Variants in PPP5C observed in about 807,000 individuals in gnomAD.
The protein encoded by PPP5C is protein phosphatase 5 catalytic subunit, also known as serine/threonine-protein phosphatase 5.
In PPP5C, 21 loss-of-function variants were observed where a neutral mutation model predicts 66.7. The ratio of observed to expected loss-of-function variants is 0.31; its 90% confidence interval spans 0.22 to 0.45. The LOEUF is 0.45. Ranked by LOEUF, PPP5C falls within the 20% of genes least tolerant of loss-of-function variation. PPP5C has a pLI of 1.00. For missense variants in PPP5C, 464 were observed against 675.9 expected (o/e 0.69, Z 3.48); for synonymous variants, 246 against 257.4 (o/e 0.96, Z 0.43).
At chr19:46,375,369 C>T (rs925064077) in intron 2 of PPP5C, among the ~76,000 whole-genome samples, 4 of 152,230 alleles carry the variant, frequency 2.6e-5, no homozygotes, top group Admixed American at 6.5e-5. Context: ...TTGATTTTAG[C>T]GCGCTCATAG....
At chr19:46,371,454 C>A (rs1972590539) in intron 2 of PPP5C, among the ~76,000 whole-genome samples, 1 of 152,184 alleles carries the variant, frequency 6.6e-6, no homozygotes, top group South Asian at 2.1e-4. Context: ...CACGGCTACC[C>A]TGCGCAGTGG....
intron 7 of PPP5C, among the ~76,000 whole-genome samples, chr19:46,386,000 G>C (rs1972878750): frequency 3.3e-5 from 5 of 152,062 alleles, no homozygotes; most frequent in Admixed American, 3.3e-4. Flanking sequence ...GTATTTGCTG[G>C]AGGAACAGAC....
intron 4 of PPP5C, among the ~76,000 whole-genome samples, chr19:46,378,927 AG>A (rs907780777): frequency 9.9e-5 from 15 of 150,980 alleles, no homozygotes; most frequent in African/African-American, 3.7e-4. Context: ...CTTGTTGCCC[AG>A]GTTGGAGTGC....
chr19:46,372,106 T>C (rs1013503784), intron 2 of PPP5C, among the ~76,000 whole-genome samples: 7 of 152,278 alleles, frequency 4.6e-5, no homozygotes, highest in African/African-American at 1.7e-4. Context: ...GAAATGGCCG[T>C]GTATGTGCTT....
At chr19:46,377,763 T>C (rs1972721704) in intron 4 of PPP5C, among the ~76,000 whole-genome samples, 1 of 152,260 alleles carries the variant, frequency 6.6e-6, no homozygotes, top group South Asian at 2.1e-4. Context: ...TTACAGCGTT[T>C]AGTGTCTCTT....
chr19:46,383,749 C>T lies in PPP5C; in HGVS notation c.700-31C>T, dbSNP rs1216630937. 1.3e-6 allele frequency: 2 copies of T among 1,551,128 alleles called. No homozygotes were observed. Among genetic ancestry groups the T allele is most frequent in the African/African-American group, 2.7e-5 (2 of 73,396 alleles). ...CCCTCCCCACGTCTCTCTCTCGGCC[C>T]GTCCCTCTCCGGTGGCCTCTTTTCT... On this transcript the variant is annotated intron_variant, in intron 5 of 12. Transcript: ENST00000012443. This position sits in a 1 kb window ranked among gnomAD's most constrained non-coding sequence, Gnocchi z 5.0.
chr19:46,390,154 C>T (rs1972989166), intron 12 of PPP5C, 22 bp downstream of exon 12: 1 of 1,612,896 alleles, frequency 6.2e-7, no homozygotes, highest in African/African-American at 1.3e-5. Context: ...CTCAGGGCCC[C>T]TGCCCCTTCC....
chr19:46,348,445 C>T (rs1490629437), intron 1 of PPP5C, among the ~76,000 whole-genome samples: 5 of 151,660 alleles, frequency 3.3e-5, no homozygotes, highest in Admixed American at 3.3e-4. Flanking sequence ...TCCCGAGTAG[C>T]TGGGATTATA....
At chr19:46,353,645 C>G in intron 1 of PPP5C, 103 bp from the exon 2 acceptor site, 7 of 1,516,754 alleles carry the variant, frequency 4.6e-6, no homozygotes, top group Non-Finnish European at 6.3e-6. Flanking sequence ...GGGTAGCCCT[C>G]AGCTTCCCCA....
chr19:46,390,224 G>A (rs1167727879), intron 12 of PPP5C, 60 bp from the exon 13 acceptor site: 18 of 1,603,876 alleles, frequency 1.1e-5, no homozygotes, highest in Middle Eastern at 1.6e-4. Context: ...AGGTTCTGCC[G>A]GTGGGTGCTC....
Position 46,376,734 on chromosome 19 carries a change from T to G in PPP5C, c.633+160T>G. On this transcript the variant is annotated intron_variant, in intron 4 of 12. Transcript: ENST00000012443. This position sits in a 1 kb window ranked among gnomAD's most constrained non-coding sequence, Gnocchi z 5.1. ...GACACTGTGCCGAGGGCTTACCACA[T>G]GATCTCATCTCGTCCCACAGCAGTT... 3.0e-6 allele frequency: 3 copies of G among 998,372 alleles called. No individual in the cohort carries two copies. Among genetic ancestry groups the G allele is most frequent in the Non-Finnish European group, 4.3e-6 (3 of 699,320 alleles). 61.8% of individuals were successfully genotyped at this position (998,372 alleles called of 1,614,324 possible).
chr19:46,348,529 G>A (rs975006431), intron 1 of PPP5C, among the ~76,000 whole-genome samples: 1 of 152,062 alleles, frequency 6.6e-6, no homozygotes, highest in South Asian at 2.1e-4. Context: ...GGCCAGGCTG[G>A]TGTCGAACCT....
At position 46,376,460 on chromosome 19, in the gene PPP5C, G is replaced by A. The variant is rs1972697837; in HGVS notation, c.519G>A (p.Glu173=). ...CCGTTGTTCACACCCTAGCCATTGA[G>A]GATGAGTACAGCGGACCCAAGCTTG... ...DSLDIESMTI[E]DEYSGPKLED... The change falls in exon 4 of 13, where the codon GAG becomes GAA. Residue 173 remains glutamate (E), a synonymous_variant. Transcript: ENST00000012443. The surrounding 1 kb of genome is among the most constrained non-coding windows in gnomAD (Gnocchi z 5.1). 1.2e-6 allele frequency: 2 copies of A among 1,613,654 alleles called. No homozygotes were observed. The highest frequency in any genetic ancestry group is 1.7e-4 in the Middle Eastern group (1 of 6,058).
chr19:46,376,227 G>A lies in PPP5C; in HGVS notation c.512-226G>A, dbSNP rs2147390078. ...AGTCATGAAATGAATAGTGCTAAGTGCCATAAAACTGAATAGAGTAAAGGG... is the reference window on the plus strand; with the variant it reads ...AGTCATGAAATGAATAGTGCTAAGTACCATAAAACTGAATAGAGTAAAGGG... On this transcript the variant is annotated intron_variant, in intron 3 of 12. Coordinates refer to ENST00000012443, the MANE Select transcript of PPP5C (RefSeq NM_006247.4). This position sits in a 1 kb window ranked among gnomAD's most constrained non-coding sequence, Gnocchi z 5.1. Among the ~76,000 whole-genome samples the A allele has an allele frequency of 6.6e-6, 1 of 152,226 alleles. No individual in the cohort carries two copies.
At position 46,390,351 on chromosome 19, in the gene PPP5C, A is replaced by G; in HGVS notation, c.*5A>G. The G allele has an allele frequency of 1.3e-6, 2 of 1,570,354 alleles. No homozygotes were observed. The highest frequency in any genetic ancestry group is 1.7e-6 in the Non-Finnish European group (2 of 1,157,750). ...CTGCAGCTAGGAATGATGTGAGGTG[A>G]CGGGCGGGGCGGCCTGCATCCCAGG... On this transcript the variant is annotated 3_prime_UTR_variant, in exon 13 of 13. Coordinates refer to ENST00000012443, the MANE Select transcript of PPP5C (RefSeq NM_006247.4).
chr19:46,375,696 C>T lies in PPP5C; in HGVS notation c.456C>T (p.Ile152=), dbSNP rs775576018. ...AGCAGAAGGCCTTTGAGCGGGCCATCGCGGGCGACGAGCACAAGCGCTCCG... is the reference window on the plus strand; with the variant it reads ...AGCAGAAGGCCTTTGAGCGGGCCATTGCGGGCGACGAGCACAAGCGCTCCG... The part of the protein sequence containing the change: ...IVKQKAFERA[I]AGDEHKRSVV... The change falls in exon 3 of 13, where the codon ATC becomes ATT. Residue 152 remains isoleucine (I), a synonymous_variant. Transcript: ENST00000012443. 34 of 1,612,234 alleles carry T rather than the reference C, an allele frequency of 2.1e-5. No homozygotes were observed. The highest frequency in any genetic ancestry group is 1.6e-4 in the Middle Eastern group (1 of 6,074).
intron 2 of PPP5C, among the ~76,000 whole-genome samples, chr19:46,356,429 G>A (rs972069971): frequency 3.3e-5 from 5 of 152,202 alleles, no homozygotes; most frequent in Admixed American, 1.3e-4. Flanking sequence ...CCAGAAGCTC[G>A]CCAGGGAAGC....
chr19:46,368,790 C>T (rs2147380430), intron 2 of PPP5C, among the ~76,000 whole-genome samples: 1 of 152,318 alleles, frequency 6.6e-6, no homozygotes, highest in Non-Finnish European at 1.5e-5. Context: ...TTAGCTTCCA[C>T]TTACAAGTGA....
chr19:46,385,676 AG>A (rs1172633989), intron 7 of PPP5C, among the ~76,000 whole-genome samples: 3 of 151,776 alleles, frequency 2.0e-5, no homozygotes, highest in African/African-American at 4.8e-5. Flanking sequence ...GCTGCCTGGG[AG>A]GCTGAGGCAG....
Sources: allele counts gnomAD v4.1 joint callset (sites outside exome capture counted in the v4.1 genomes callset), GRCh38; gene constraint gnomAD v4.1.1; non-coding constraint Gnocchi (gnomAD v3.1); transcripts MANE v1.5; gene names NCBI Gene and HGNC (gene_info 2026-07-23, HGNC 2026-07-21).